GBF1: variants seen among roughly 807,000 people sequenced by gnomAD.
The protein encoded by GBF1 is golgi brefeldin A resistant guanine nucleotide exchange factor 1.
GBF1 carries 114 observed loss-of-function variants against 210.5 expected under a neutral mutation model. The ratio of observed to expected loss-of-function variants is 0.54; its 90% CI spans 0.47 to 0.63. The LOEUF is 0.63. Ranked by LOEUF, GBF1 falls within the 30% of genes least tolerant of loss-of-function variation. The pLI, the probability that GBF1 is intolerant of heterozygous loss-of-function variation, is 0.00. For missense variants in GBF1, 1,851 were observed against 2,357.7 expected, an observed-to-expected ratio of 0.79 and a Z score of 4.45; for synonymous variants, 850 against 889.2, an observed-to-expected ratio of 0.96 and a Z score of 0.78.
At chr10:102,331,072 GAT>G (rs926574515) in intron 3 of GBF1, among the ~76,000 whole-genome samples, 2 of 152,098 alleles carry the variant, frequency 1.3e-5, no homozygotes, top group African/African-American at 4.8e-5. Flanking sequence ...CCTGCTCTGA[GAT>G]ACACATGCTG....
At chr10:102,340,883 G>A (rs2134507334) in intron 3 of GBF1, among the ~76,000 whole-genome samples, 1 of 152,252 alleles carries the variant, frequency 6.6e-6, no homozygotes, top group African/African-American at 2.4e-5. Flanking sequence ...TGGGAGGGTG[G>A]AAATCTTTGT....
At chr10:102,377,990 C>T (rs1251880281) in intron 33 of GBF1, among the ~76,000 whole-genome samples, 2 of 151,980 alleles carry the variant, frequency 1.3e-5, no homozygotes, top group African/African-American at 4.8e-5. Context: ...GAGGCCGAGG[C>T]GGGTGGATCA....
chr10:102,322,953 C>G (rs2056552449), intron 3 of GBF1, among the ~76,000 whole-genome samples: 1 of 151,946 alleles, frequency 6.6e-6, no homozygotes, highest in Admixed American at 6.6e-5. Flanking sequence ...AAAGAAGAGC[C>G]AGCCATTTCA....
At chr10:102,237,586 A>C in the GBF1 span, among the ~76,000 whole-genome samples, 2 of 152,138 alleles carry the variant, frequency 1.3e-5, no homozygotes, top group African/African-American at 4.8e-5. Context: ...GCCCTGAATA[A>C]AGAAAAAAAC....
intron 4 of GBF1, among the ~76,000 whole-genome samples, chr10:102,345,646 CAAAAAAAAA>C (rs59037566): frequency 1.1e-4 from 2 of 17,982 alleles, no homozygotes; most frequent in Non-Finnish European, 2.6e-4. Context: ...GACTCCGTCT[CAAAAAAAAA>C]AAAAAAAAAA....
chr10:102,339,620 C>T (rs371206994), intron 3 of GBF1, among the ~76,000 whole-genome samples: 1 of 151,288 alleles, frequency 6.6e-6, no homozygotes, highest in Admixed American at 6.6e-5. Flanking sequence ...GAGCCAAGAT[C>T]GAGCCACTGC....
chr10:102,301,913 C>T (rs1266987446), intron 3 of GBF1, among the ~76,000 whole-genome samples: 21 of 152,000 alleles, frequency 1.4e-4, no homozygotes, highest in African/African-American at 3.1e-4. Flanking sequence ...CCAAGGCAGG[C>T]GGCTGGGAGG....
At chr10:102,342,562 A>G (rs760941897) in intron 3 of GBF1, among the ~76,000 whole-genome samples, 8 of 152,020 alleles carry the variant, frequency 5.3e-5, no homozygotes, top group Non-Finnish European at 8.8e-5. Flanking sequence ...CAATCTGCCA[A>G]TTAATTAAAG....
intron 3 of GBF1, among the ~76,000 whole-genome samples, chr10:102,281,950 A>G (rs190474128): frequency 0.027 from 3,920 of 143,822 alleles, 86 homozygotes; most frequent in Non-Finnish European, 0.039. Flanking sequence ...TTTTTGAGAC[A>G]GAGTCTCGCT....
the GBF1 span, among the ~76,000 whole-genome samples, chr10:102,233,288 T>G: frequency 5.7e-5 from 1 of 17,424 alleles, no homozygotes; most frequent in Admixed American, 4.4e-4. Flanking sequence ...GACTTCTTTC[T>G]TTTTTTTTTT....
chr10:102,316,670 T>A (rs2078961437), intron 3 of GBF1, among the ~76,000 whole-genome samples: 1 of 152,248 alleles, frequency 6.6e-6, no homozygotes, highest in African/African-American at 2.4e-5. Context: ...ATATGGCCAT[T>A]TCCAGTCCTA....
At chr10:102,296,755 G>C (rs1165408109) in intron 3 of GBF1, among the ~76,000 whole-genome samples, 2 of 147,570 alleles carry the variant, frequency 1.4e-5, no homozygotes, top group Non-Finnish European at 3.0e-5. Context: ...AAAAAAAAAA[G>C]AATTGTAGGC....
chr10:102,332,702 G>A (rs1367164023), intron 3 of GBF1, among the ~76,000 whole-genome samples: 1 of 152,122 alleles, frequency 6.6e-6, no homozygotes, highest in Non-Finnish European at 1.5e-5. Context: ...CTTTTTCAAT[G>A]TAAGTGGTTG....
chr10:102,318,392 T>C (rs2056039926), intron 3 of GBF1, among the ~76,000 whole-genome samples: 1 of 151,362 alleles, frequency 6.6e-6, no homozygotes, highest in East Asian at 1.9e-4. Flanking sequence ...GGTTTCGCCA[T>C]GTTGCCAAGG....
intron 3 of GBF1, 138 bp downstream of exon 3, chr10:102,260,254 C>T: frequency 2.1e-6 from 1 of 476,350 alleles, no homozygotes; most frequent in East Asian, 3.4e-5. Context: ...ACAACTGCAA[C>T]TACTTAACTC....
chr10:102,354,350 C>T (rs546723334), intron 8 of GBF1, among the ~76,000 whole-genome samples: 17 of 152,098 alleles, frequency 1.1e-4, no homozygotes, highest in Non-Finnish European at 2.2e-4. Context: ...TTAAATCGTG[C>T]GTTTGCCTGT....
chr10:102,347,538 GCCA>G (rs1030306593), intron 4 of GBF1, among the ~76,000 whole-genome samples: 1 of 152,138 alleles, frequency 6.6e-6, no homozygotes, highest in Admixed American at 6.6e-5. Flanking sequence ...GAGACCTCAG[GCCA>G]CCTGGTCATT....
In GBF1 at chr10:102,380,704, G is replaced by C; in HGVS notation, c.5173+18G>C. On this transcript the variant is annotated intron_variant, in intron 38 of 39. Transcript: ENST00000369983. ...CATCCAGGGTAGGGGGCTCAGCCCA[G>C]CTTTATCAAAAAGAGTCTCCTGCCT... 12 of 1,580,474 alleles carry C rather than the reference G, an allele frequency of 7.6e-6. No individual in the cohort carries two copies. The highest frequency in any genetic ancestry group is 1.0e-5 in the Non-Finnish European group (12 of 1,161,314).
chr10:102,299,803 A>G (rs2077195428), intron 3 of GBF1, among the ~76,000 whole-genome samples: 1 of 152,188 alleles, frequency 6.6e-6, no homozygotes, highest in African/African-American at 2.4e-5. Flanking sequence ...TAAAAAATAA[A>G]TGTAAAAAAT....
Sources: allele counts gnomAD v4.1 joint callset (sites outside exome capture counted in the v4.1 genomes callset), GRCh38; gene constraint gnomAD v4.1.1; transcripts MANE v1.5; gene names NCBI Gene and HGNC (gene_info 2026-07-23, HGNC 2026-07-21).